RHBDL3: variants seen among roughly 807,000 people sequenced by gnomAD.
RHBDL3 encodes the protein rhomboid-related protein 3.
In RHBDL3, 28 loss-of-function variants were observed where a neutral mutation model predicts 48.2. The observed-to-expected ratio is 0.58, with a 90% CI of 0.43 to 0.80. The LOEUF (loss-of-function observed/expected upper bound fraction) is 0.80. RHBDL3 is among the 30% of genes least tolerant of loss of function. The pLI is 0.00. For synonymous variants in RHBDL3, 208 were observed against 232.3 expected (o/e 0.90, Z 0.95); for missense variants, 464 against 542.7 (o/e 0.85, Z 1.44).
At chr17:32,319,217 T>C (rs925139806) in intron 8 of RHBDL3, among the ~76,000 whole-genome samples, 1 of 151,654 alleles carries the variant, frequency 6.6e-6, no homozygotes, top group Non-Finnish European at 1.5e-5. Flanking sequence ...GGTCAGGAGA[T>C]AGAGACCATC....
intron 2 of RHBDL3, among the ~76,000 whole-genome samples, chr17:32,271,196 C>A (rs905389473): frequency 6.6e-6 from 1 of 152,168 alleles, no homozygotes; most frequent in African/African-American, 2.4e-5. Flanking sequence ...ACTACTTTTT[C>A]TATGATTAAA....
chr17:32,267,980 A>C, intron 2 of RHBDL3, 55 bp downstream of exon 2: 10 of 1,399,270 alleles, frequency 7.1e-6, no homozygotes, highest in Non-Finnish European at 1.0e-5. Flanking sequence ...AATCGGTCTC[A>C]GTCTCCCTGC....
intron 2 of RHBDL3, among the ~76,000 whole-genome samples, chr17:32,278,662 T>A (rs996101471): frequency 2.0e-5 from 3 of 152,176 alleles, no homozygotes; most frequent in Admixed American, 2.0e-4. Flanking sequence ...CTGCACCTAT[T>A]ACCAGCCATT....
At position 32,284,736 on chromosome 17, in the gene RHBDL3, C is replaced by A; in HGVS notation, c.213C>A (p.Asp71Glu). Residue 71 changes from aspartate to glutamate, a missense_variant, in exon 3 of 9, where the codon GAC (aspartate) becomes GAA (glutamate). Transcript: ENST00000269051. The part of the protein sequence containing the change: ...SLLESHSSKL[D>E]PHKREVLLAL... ...TGGAGAGCCACAGCTCCAAGCTGGA[C>A]CCGCACAAAAGGGAGGTCCTCCTGG... 2 of 1,614,046 alleles carry A rather than the reference C, an allele frequency of 1.2e-6. No individual in the cohort carries two copies. The highest frequency in any genetic ancestry group is 8.5e-7 in the Non-Finnish European group (1 of 1,179,906).
chr17:32,304,780 C>CA (rs1437168581), intron 6 of RHBDL3, among the ~76,000 whole-genome samples: 1 of 152,068 alleles, frequency 6.6e-6, no homozygotes, highest in Admixed American at 6.5e-5. Flanking sequence ...CTCTTTGAGT[C>CA]AAAGAATCAA....
Position 32,284,354 on chromosome 17 carries a change from C to T in RHBDL3, c.136-305C>T, listed in dbSNP as rs1286830517. 1.3e-5 allele frequency: 4 copies of T among 296,578 alleles called. No homozygotes were observed. In the Admixed American group the frequency reaches 1.4e-4, roughly 11 times the overall value. 18.4% of individuals were successfully genotyped at this position (296,578 alleles called of 1,614,324 possible). ...CCCAGAAGTTTCTCATCTTCCTGCA[C>T]TCATTGCCTTTTCATTCGCACTTCC... On this transcript the variant is annotated intron_variant, in intron 2 of 8. Transcript: ENST00000269051.
chr17:32,284,693 G>T lies in RHBDL3; in HGVS notation c.170G>T (p.Gly57Val). 6.2e-7 allele frequency: 1 copy of T among 1,614,150 alleles called. No individual in the cohort carries two copies. Among genetic ancestry groups the T allele is most frequent in the Non-Finnish European group, 8.5e-7 (1 of 1,180,000 alleles). The change falls in exon 3 of 9, where the codon GGC (glycine) becomes GTC (valine). Residue 57 changes from glycine to valine, a missense_variant. Transcript: ENST00000269051. The part of the protein sequence containing the change: ...DPGNTGYIST[G>V]KFRSLLESHS... ...GGGAACACAGGCTACATTAGCACAG[G>T]CAAGTTCCGGAGTCTTCTGGAGAGC...
chr17:32,283,006 A>G (rs1009140419), intron 2 of RHBDL3, among the ~76,000 whole-genome samples: 3 of 152,170 alleles, frequency 2.0e-5, no homozygotes, highest in African/African-American at 4.8e-5. Context: ...CACAGAATCC[A>G]CTTTCCTAAA....
intron 5 of RHBDL3, 103 bp downstream of exon 5, chr17:32,294,545 T>C: frequency 1.7e-6 from 2 of 1,188,032 alleles, no homozygotes; most frequent in South Asian, 3.4e-5. Flanking sequence ...TTTTATCTAT[T>C]TGGACATAGG....
chr17:32,275,423 G>A (rs2039874482), intron 2 of RHBDL3, among the ~76,000 whole-genome samples: 2 of 152,226 alleles, frequency 1.3e-5, no homozygotes. Context: ...CTTGTGAGGA[G>A]GTCGGAAGGA....
At chr17:32,310,414 A>G (rs1430122769) in intron 7 of RHBDL3, among the ~76,000 whole-genome samples, 2 of 151,834 alleles carry the variant, frequency 1.3e-5, no homozygotes, top group African/African-American at 4.8e-5. Context: ...CCCCATATCT[A>G]CTAAAAAATA....
Position 32,270,980 on chromosome 17 carries a change from G to C in RHBDL3, c.135+3055G>C, listed in dbSNP as rs301354. ...GGAAGCCAAGGTGGGCAGATCGCTT[G>C]AGCCCAGGAGTTAAAGACCAGCCTG... On this transcript the variant is annotated intron_variant, in intron 2 of 8. Transcript: ENST00000269051. Among the ~76,000 whole-genome samples, 150 of 152,134 alleles carry C rather than the reference G, an allele frequency of 9.9e-4. 3 individuals carry two copies. The highest frequency in any genetic ancestry group is 9.5e-3 in the Admixed American group (145 of 15,268).
At chr17:32,316,639 C>T (rs2040981743) in intron 8 of RHBDL3, among the ~76,000 whole-genome samples, 1 of 151,826 alleles carries the variant, frequency 6.6e-6, no homozygotes, top group Admixed American at 6.6e-5. Flanking sequence ...CCTCTTCAGC[C>T]TCCCAAATAG....
chr17:32,321,235 G>A lies in RHBDL3; in HGVS notation c.*6G>A. 6.2e-7 allele frequency: 1 copy of A among 1,614,192 alleles called. No individual in the cohort carries two copies. The highest frequency in any genetic ancestry group is 1.1e-5 in the South Asian group (1 of 91,084). On this transcript the variant is annotated 3_prime_UTR_variant, in exon 9 of 9. Transcript: ENST00000269051. The stretch of plus-strand genomic sequence containing the variant: ...AGCTGCCGCCTCCCCCCTGAGGGCT[G>A]GAGGCCCAAGGTCGGGGAGGGGAGG...
Position 32,294,327 on chromosome 17 carries a change from G to C in RHBDL3, c.553G>C (p.Gly185Arg), listed in dbSNP as rs138890553. The C allele has an allele frequency of 2.5e-6, 4 of 1,613,858 alleles. No homozygotes were observed. In the South Asian group the frequency reaches 4.4e-5, roughly 18 times the overall value. ...TTTCCTCTACAATGGGGTGTCACTA[G>C]GTCAATTTGTACTGCAGGTAACTCA... ...AFFLYNGVSL[G>R]QFVLQVTHPR... The change falls in exon 5 of 9, where the codon GGT becomes CGT. Residue 185 changes from glycine (G) to arginine (R), a missense_variant. Gly to Arg is a moderately radical substitution (Grantham distance 125). Transcript: ENST00000269051.
chr17:32,305,283 TG>T (rs1268721534), intron 6 of RHBDL3, 57 bp from the exon 7 acceptor site: 1 of 1,150,380 alleles, frequency 8.7e-7, no homozygotes, highest in Non-Finnish European at 1.3e-6. Flanking sequence ...GGCCTGGGGC[TG>T]GGTTGGGTGA....
chr17:32,287,349 C>T (rs953601308), intron 3 of RHBDL3, among the ~76,000 whole-genome samples: 2 of 152,174 alleles, frequency 1.3e-5, no homozygotes, highest in East Asian at 3.9e-4. Context: ...GTCTTGGGCT[C>T]ACAATGTGCA....
At chr17:32,310,224 A>G (rs1454486595) in intron 7 of RHBDL3, among the ~76,000 whole-genome samples, 6 of 152,182 alleles carry the variant, frequency 3.9e-5, no homozygotes, top group African/African-American at 2.4e-5. Flanking sequence ...CACAAACTGA[A>G]CCACATTGTC....
At chr17:32,275,028 C>G (rs1467516915) in intron 2 of RHBDL3, among the ~76,000 whole-genome samples, 1 of 152,144 alleles carries the variant, frequency 6.6e-6, no homozygotes, top group Non-Finnish European at 1.5e-5. Flanking sequence ...CATCTTGCTC[C>G]CCTCCTTCTC....
Sources: allele counts gnomAD v4.1 joint callset (sites outside exome capture counted in the v4.1 genomes callset), GRCh38; gene constraint gnomAD v4.1.1; transcripts MANE v1.5; gene names NCBI Gene and HGNC (gene_info 2026-07-23, HGNC 2026-07-21).